Variants in ZNF577 observed in about 807,000 individuals in gnomAD.
The protein encoded by ZNF577 is zinc finger protein 577.
In ZNF577, 14 loss-of-function variants were observed where a neutral mutation model predicts 13.9. The observed-to-expected ratio is 1.00, with a 90% CI of 0.66 to 1.57. The LOEUF is 1.57. Ranked by LOEUF, ZNF577 falls within the 40% of genes most tolerant of loss-of-function variation. ZNF577 has a pLI of 0.00. For missense variants in ZNF577, 555 were observed against 579.2 expected (o/e 0.96, Z 0.43); for synonymous variants, 203 against 202.9 (o/e 1.00, Z 0.00).
chr19:51,843,849 AG>A (rs2084334654), intron 6 of ZNF577, among the ~76,000 whole-genome samples: 2 of 152,200 alleles, frequency 1.3e-5, no homozygotes, highest in Admixed American at 1.3e-4. Context: ...TGCGTTCTAA[AG>A]GAAGAAGTGG....
rs150037774 is a variant in ZNF577 at position 51,807,117 on chromosome 19, T to C, written c.*818-1863A>G. On this transcript the variant is annotated intron_variant and NMD_transcript_variant, in intron 10 of 10. Coordinates refer to the ZNF577 transcript ENST00000638827. The stretch of plus-strand genomic sequence containing the variant: ...AAAGACAAGAGATAAAAGAGTATAT[T>C]TGGAAGAAGCGGTCAGGGGGCAGCT... 3.0e-4 allele frequency among the ~76,000 whole-genome samples: 45 copies of C among 152,200 alleles called. 1 individual carries two copies. The East Asian group carries it at 8.7e-3, about 29-fold the overall frequency.
chr19:51,817,522 T>A (rs1404539100), intron 9 of ZNF577, among the ~76,000 whole-genome samples: 1 of 149,430 alleles, frequency 6.7e-6, no homozygotes, highest in Non-Finnish European at 1.5e-5. Flanking sequence ...TTTTGTTTTT[T>A]TTTTTAAATT....
chr19:51,868,383 C>T lies in ZNF577; in HGVS notation c.*4149G>A, dbSNP rs28447101. Among the ~76,000 whole-genome samples the T allele has an allele frequency of 0.013, 1,986 of 152,184 alleles. 51 individuals carry two copies. Among genetic ancestry groups the T allele is most frequent in the African/African-American group, 0.045 (1,879 of 41,494 alleles). On this transcript the variant is annotated 3_prime_UTR_variant, in exon 6 of 6. Coordinates refer to ENST00000638348, the MANE Select transcript of ZNF577 (RefSeq NM_001370449.1). ...TAGGTAAGACCCATGCCCTGAGTCCCCTCCCCAGCCTCCAACATGGGATCC... is the reference window on the plus strand; with the variant it reads ...TAGGTAAGACCCATGCCCTGAGTCCTCTCCCCAGCCTCCAACATGGGATCC...
Position 51,859,142 on chromosome 19 carries a change from C to T in ZNF577, c.284-14211G>A, listed in dbSNP as rs147621848. Among the ~76,000 whole-genome samples the T allele has an allele frequency of 9.9e-3, 1,508 of 152,246 alleles. 26 individuals carry two copies. The highest frequency in any genetic ancestry group is 0.031 in the African/African-American group (1,299 of 41,546). ...TTCACTCAGTATGTTTTTTGGGGCTCATTCATGCAACATGTCATCAGTACT... is the reference window on the plus strand; with the variant it reads ...TTCACTCAGTATGTTTTTTGGGGCTTATTCATGCAACATGTCATCAGTACT... On this transcript the variant is annotated intron_variant and NMD_transcript_variant, in intron 5 of 10. Transcript: ENST00000638827.
chr19:51,870,096 T>C lies in ZNF577; in HGVS notation c.*2436A>G, dbSNP rs1013638064. On this transcript the variant is annotated 3_prime_UTR_variant, in exon 6 of 6. Transcript: ENST00000638348. ...TCCAGTGCGTAGACTGAGCTTCATC[T>C]GCCCCTTGTTCAGGTGGGGGGAACC... 6.6e-6 allele frequency among the ~76,000 whole-genome samples: 1 copy of C among 152,252 alleles called. No homozygotes were observed. The highest frequency in any genetic ancestry group is 1.5e-5 in the Non-Finnish European group (1 of 68,034).
intron 1 of ZNF577, among the ~76,000 whole-genome samples, chr19:51,885,614 T>C (rs2084933132): frequency 6.6e-6 from 1 of 152,132 alleles, no homozygotes; most frequent in African/African-American, 2.4e-5. Flanking sequence ...TGGGTTCAAG[T>C]GATTCTCCTG....
intron 5 of ZNF577, among the ~76,000 whole-genome samples, chr19:51,847,794 T>C (rs1204369926): frequency 6.6e-6 from 1 of 152,142 alleles, no homozygotes; most frequent in African/African-American, 2.4e-5. Context: ...CAGAGTCAAA[T>C]GTAATCTCAC....
At position 51,872,583 on chromosome 19, in the gene ZNF577, G is replaced by A. The variant is rs749477041; in HGVS notation, c.1407C>T (p.Ala469=). The change falls in exon 6 of 6, where the codon GCC becomes GCT. Residue 469 remains alanine (A), a synonymous_variant. Transcript: ENST00000638348. ...ACAAGATATAATTTATTACTGATGG[G>A]GCCACATTCACTTCATTTGTGAGGC... is the stretch of plus-strand genomic sequence containing the variant. ...RISLTNEVNV[A]PSVINYILYL... The A allele has an allele frequency of 3.7e-6, 6 of 1,612,576 alleles. No homozygotes were observed. The highest frequency in any genetic ancestry group is 1.1e-5 in the South Asian group (1 of 90,830).
intron 9 of ZNF577, among the ~76,000 whole-genome samples, chr19:51,834,354 A>G (rs1032278930): frequency 1.3e-5 from 2 of 152,216 alleles, no homozygotes; most frequent in African/African-American, 4.8e-5. Context: ...AACCTAACTG[A>G]CATTTATAAA....
intron 10 of ZNF577, among the ~76,000 whole-genome samples, chr19:51,810,368 C>A (rs7258394): frequency 6.6e-6 from 1 of 152,142 alleles, no homozygotes; most frequent in Non-Finnish European, 1.5e-5. Flanking sequence ...AGGAATCTGA[C>A]GCTTCACTGC....
chr19:51,879,280 A>G (rs1382014642), intron 3 of ZNF577, among the ~76,000 whole-genome samples: 2 of 149,824 alleles, frequency 1.3e-5, no homozygotes, highest in Non-Finnish European at 3.0e-5. Flanking sequence ...AAAAAAAAGT[A>G]ATAATATGGC....
chr19:51,818,318 C>T (rs889592958), intron 9 of ZNF577, among the ~76,000 whole-genome samples: 5 of 152,082 alleles, frequency 3.3e-5, no homozygotes, highest in African/African-American at 1.2e-4. Context: ...GTTAATTTCC[C>T]AAATGTTTCC....
intron 9 of ZNF577, among the ~76,000 whole-genome samples, chr19:51,833,422 C>A (rs138917297): frequency 1.1e-3 from 145 of 135,926 alleles, no homozygotes; most frequent in African/African-American, 3.9e-3. Context: ...ATGCCATCAC[C>A]GCTGGAAGTA....
At chr19:51,837,151 GT>G (rs1250448320) in intron 9 of ZNF577, among the ~76,000 whole-genome samples, 3 of 152,032 alleles carry the variant, frequency 2.0e-5, no homozygotes, top group Non-Finnish European at 4.4e-5. Flanking sequence ...CACAATCTTT[GT>G]TGTAAAATGA....
chr19:51,853,530 G>A (rs1169668803), intron 5 of ZNF577, among the ~76,000 whole-genome samples: 2 of 152,158 alleles, frequency 1.3e-5, no homozygotes, highest in South Asian at 4.1e-4. Context: ...AGATGCATTA[G>A]AGGATTTTGG....
intron 3 of ZNF577, among the ~76,000 whole-genome samples, chr19:51,879,145 G>T (rs967327893): frequency 6.6e-6 from 1 of 151,492 alleles, no homozygotes; most frequent in East Asian, 1.9e-4. Flanking sequence ...TAGTCCCAGC[G>T]ACTTGGGAGG....
chr19:51,878,797 C>G, intron 3 of ZNF577: 3 of 295,026 alleles, frequency 1.0e-5, no homozygotes, highest in Non-Finnish European at 2.0e-5. Context: ...CAAAAGCAGA[C>G]AGGGTTAAAT....
Position 51,878,494 on chromosome 19 carries a change from C to T in ZNF577, c.82G>A (p.Val28Met), listed in dbSNP as rs144963186. The T allele has an allele frequency of 1.3e-5, 21 of 1,614,020 alleles. No homozygotes were observed. Among genetic ancestry groups the T allele is most frequent in the Admixed American group, 3.3e-5 (2 of 60,002 alleles). The stretch of plus-strand genomic sequence containing the variant: ...TCCTCCCTGGTGAAGCCCACAGCCA[C>T]ATCTTCGAATGACAATGACCCCTAT... ...SGEGSLSFED[V>M]AVGFTREEWQ... is the part of the protein sequence containing the mutation. The change falls in exon 4 of 6, where the codon GTG becomes ATG. Residue 28 changes from valine to methionine, a missense_variant. Physicochemically the swap from Val to Met is conservative, Grantham distance 21. Coordinates refer to ENST00000638348, the MANE Select transcript of ZNF577 (RefSeq NM_001370449.1).
In ZNF577 at chr19:51,880,413, A is replaced by G. The variant is rs1305402276; in HGVS notation, c.-19-12T>C. 4 of 1,613,302 alleles carry G rather than the reference A, an allele frequency of 2.5e-6. No individual in the cohort carries two copies. The African/African-American group carries it at 5.3e-5, about 22-fold the overall frequency. Reference sequence around the variant, plus strand: ...TCCTGTTATTTCAGCTGCCAAAAAAAAGGAGACACAGTTTAAAGCAGAGAA... The same window carrying G: ...TCCTGTTATTTCAGCTGCCAAAAAAGAGGAGACACAGTTTAAAGCAGAGAA... On this transcript the variant is annotated splice_polypyrimidine_tract_variant and intron_variant, in intron 2 of 5. Coordinates refer to ENST00000638348, the MANE Select transcript of ZNF577 (RefSeq NM_001370449.1).
Sources: allele counts gnomAD v4.1 joint callset (sites outside exome capture counted in the v4.1 genomes callset), GRCh38; gene constraint gnomAD v4.1.1; transcripts MANE v1.5; gene names NCBI Gene and HGNC (gene_info 2026-07-23, HGNC 2026-07-21).